The following SLC39A6 variants were observed in gnomAD, a reference collection of about 807,000 sequenced individuals.
The protein encoded by SLC39A6 is solute carrier family 39 member 6, also known as zinc transporter ZIP6.
SLC39A6 carries 51 observed loss-of-function variants against 63.5 expected under a neutral mutation model. The ratio of observed to expected loss-of-function variants is 0.80; its 90% CI spans 0.64 to 1.01. SLC39A6 has a LOEUF of 1.01. SLC39A6 is among the 50% of genes least tolerant of loss of function. SLC39A6 has a pLI of 0.00. For synonymous variants in SLC39A6, 318 were observed against 324.7 expected, an observed-to-expected ratio of 0.98 and a Z score of 0.22; for missense variants, 805 against 927.8, an observed-to-expected ratio of 0.87 and a Z score of 1.72.
rs149141172 is a variant in SLC39A6 at position 36,124,546 on chromosome 18, G to A, written c.944C>T (p.Pro315Leu). ...TATTTGTAATGAATAGGTCTTTGGAGGGATTTCAGCCTTCTTTTCACTTGT... is the reference window on the plus strand; with the variant it reads ...TATTTGTAATGAATAGGTCTTTGGAAGGATTTCAGCCTTCTTTTCACTTGT... ...IHTSEKKAEIPPKTYSLQIAW... is the reference protein window; with the variant it reads ...IHTSEKKAEILPKTYSLQIAW... Residue 315 changes from proline (P) to leucine (L), a missense_variant, in exon 3 of 10, where the codon CCT (proline) becomes CTT (leucine). Around this residue, in one of 4 missense-constraint regions of SLC39A6, gnomAD observed 639 missense variants for 644.0 expected, o/e 0.99. Coordinates refer to ENST00000269187, the MANE Select transcript of SLC39A6 (RefSeq NM_012319.4). The A allele has an allele frequency of 4.5e-6, 7 of 1,566,036 alleles. No individual in the cohort carries two copies. In the African/African-American group the frequency reaches 8.1e-5, roughly 18 times the overall value.
chr18:36,114,771 T>C (rs2089330085), intron 6 of SLC39A6, among the ~76,000 whole-genome samples: 1 of 152,228 alleles, frequency 6.6e-6, no homozygotes, highest in Admixed American at 6.5e-5. Context: ...AAAATGACTT[T>C]TTTCCTCATC....
At chr18:36,119,935 G>T (rs1210085143) in intron 5 of SLC39A6, among the ~76,000 whole-genome samples, 4 of 151,858 alleles carry the variant, frequency 2.6e-5, no homozygotes, top group African/African-American at 4.8e-5. Context: ...GCTGTATTTA[G>T]GTAAAATTTG....
chr18:36,110,832 G>T (rs377415492), intron 9 of SLC39A6, among the ~76,000 whole-genome samples: 15 of 151,830 alleles, frequency 9.9e-5, no homozygotes, highest in African/African-American at 3.4e-4. Context: ...ATGAGCCACC[G>T]TGCCCAGCCA....
rs1789528 is a variant in SLC39A6 at position 36,126,651 on chromosome 18, C to G, written c.357G>C (p.Glu119Asp). 1,601,798 of 1,613,256 alleles carry G rather than the reference C, an allele frequency of 0.99. 795,783 individuals are homozygous for G. Among genetic ancestry groups the G allele is most frequent in the East Asian group, 1 (44,877 of 44,882 alleles). The change falls in exon 2 of 10, where the codon GAG becomes GAC. Residue 119 changes from glutamate to aspartate, a missense_variant. Physicochemically the swap from Glu to Asp is conservative, Grantham distance 45 (BLOSUM62 2). Transcript: ENST00000269187. The part of the protein sequence containing the change: ...ERHSDHEHHS[E>D]HEHHSDHDHH... Reference sequence around the variant, plus strand: ...GATCATGGTCAGAGTGATGCTCGTGCTCTGAGTGATGCTCATGGTCTGAGT... The same window carrying G: ...GATCATGGTCAGAGTGATGCTCGTGGTCTGAGTGATGCTCATGGTCTGAGT...
chr18:36,124,709 A>G lies in SLC39A6; in HGVS notation c.790-9T>C. ...TTTGATGCATTGAAACACTGAAAGA[A>G]ACAAAGCAGTGAAAATCACCAAAAG... is the stretch of plus-strand genomic sequence containing the variant. On this transcript the variant is annotated splice_polypyrimidine_tract_variant and intron_variant, in intron 2 of 9. Transcript: ENST00000269187. 1 of 1,525,612 alleles carries G rather than the reference A, an allele frequency of 6.6e-7. No homozygotes were observed. The highest frequency in any genetic ancestry group is 9.0e-7 in the Non-Finnish European group (1 of 1,116,482). 94.5% of individuals were successfully genotyped at this position (1,525,612 alleles called of 1,614,324 possible). A position where few individuals can be genotyped will look rare whatever the true frequency, so the allele number is the denominator to read the frequency against.
At chr18:36,121,994 A>G (rs2089397905) in intron 5 of SLC39A6, 58 bp downstream of exon 5, 2 of 1,245,540 alleles carry the variant, frequency 1.6e-6, no homozygotes, top group Non-Finnish European at 2.3e-6. Context: ...ATCTAGTTAG[A>G]GTACTACTAT....
intron 5 of SLC39A6, among the ~76,000 whole-genome samples, chr18:36,119,161 A>G (rs1001765879): frequency 5.3e-5 from 8 of 152,234 alleles, no homozygotes; most frequent in African/African-American, 1.7e-4. Flanking sequence ...CCATACTCAC[A>G]ATATAATGAG....
intron 3 of SLC39A6, among the ~76,000 whole-genome samples, chr18:36,124,272 G>C (rs541587963): frequency 1.3e-5 from 2 of 151,954 alleles, no homozygotes; most frequent in Non-Finnish European, 2.9e-5. Flanking sequence ...CCAAATTTCA[G>C]GTGATCCTGA....
rs141054227 is a variant in SLC39A6, at chr18:36,108,782, T to C, written c.*811A>G. 7.9e-5 allele frequency: 12 copies of C among 152,354 alleles called. No homozygotes were observed. Among genetic ancestry groups the C allele is most frequent in the Admixed American group, 2.6e-4 (4 of 15,306 alleles). 9.4% of individuals were successfully genotyped at this position (152,354 alleles called of 1,614,324 possible). A position where few individuals can be genotyped will look rare whatever the true frequency, so the allele number is the denominator to read the frequency against. ...ACCAGGTAACCAGAACATCCAGTCA[T>C]ACAGCTTTTGGTGATATATAACTTG... On this transcript the variant is annotated 3_prime_UTR_variant, in exon 10 of 10. Coordinates refer to ENST00000269187, the MANE Select transcript of SLC39A6 (RefSeq NM_012319.4).
chr18:36,123,934 A>G (rs912501339), intron 3 of SLC39A6, among the ~76,000 whole-genome samples: 1 of 151,436 alleles, frequency 6.6e-6, no homozygotes, highest in Admixed American at 6.6e-5. Context: ...GTGAAAGAGG[A>G]AAAAAAAATG....
At position 36,129,178 on chromosome 18, in the gene SLC39A6, C is replaced by G. The variant is rs1041656852; in HGVS notation, c.-74G>C. The G allele has an allele frequency of 6.5e-6, 1 of 153,602 alleles. No homozygotes were observed. The highest frequency in any genetic ancestry group is 1.5e-5 in the Non-Finnish European group (1 of 68,942). 9.5% of individuals were successfully genotyped at this position (153,602 alleles called of 1,614,324 possible). ...GCAGGTTTGGTTCCACACGGGCGGT[C>G]CAGAGGGCTCGGAACGGGCCCACTG... is the stretch of plus-strand genomic sequence containing the variant. On this transcript the variant is annotated 5_prime_UTR_variant, in exon 1 of 10. Coordinates refer to ENST00000269187, the MANE Select transcript of SLC39A6 (RefSeq NM_012319.4).
At chr18:36,112,455 G>A in intron 8 of SLC39A6, 46 bp downstream of exon 8, 1 of 1,401,318 alleles carries the variant, frequency 7.1e-7, no homozygotes, top group Non-Finnish European at 1.0e-6. Flanking sequence ...AGTGACACTA[G>A]AACATTTCAC....
chr18:36,124,645 A>C lies in SLC39A6; in HGVS notation c.845T>G (p.Leu282Arg), dbSNP rs1188477730. 6.3e-7 allele frequency: 1 copy of C among 1,585,176 alleles called. No individual in the cohort carries two copies. The highest frequency in any genetic ancestry group is 1.3e-5 in the African/African-American group (1 of 74,550). Residue 282 changes from leucine (L) to arginine (R), a missense_variant, in exon 3 of 10, where the codon CTG (leucine) becomes CGG (arginine). By Grantham distance (102) the Leu-to-Arg change is moderately radical. This residue lies in a region of SLC39A6 where 639 missense variants were observed against 644.0 expected (regional missense o/e 0.99). Transcript: ENST00000269187. ...GAGATAGTTGAACTCTGTTGCATTCAGCGGAACCTGGATGCCCATGCCATG... is the reference window on the plus strand; with the variant it reads ...GAGATAGTTGAACTCTGTTGCATTCCGCGGAACCTGGATGCCCATGCCATG... The part of the protein sequence containing the change: ...TSHGMGIQVP[L>R]NATEFNYLCP...
At chr18:36,121,824 C>A (rs924157143) in intron 5 of SLC39A6, among the ~76,000 whole-genome samples, 1 of 152,130 alleles carries the variant, frequency 6.6e-6, no homozygotes, top group African/African-American at 2.4e-5. Flanking sequence ...CTTTTCTTAT[C>A]CTGTCATGAG....
intron 5 of SLC39A6, among the ~76,000 whole-genome samples, chr18:36,120,457 C>A (rs527577078): frequency 6.6e-6 from 1 of 152,110 alleles, no homozygotes; most frequent in Admixed American, 6.5e-5. Flanking sequence ...TTTCAGTGAA[C>A]GTAAAATCCC....
Position 36,126,497 on chromosome 18 carries a change from GT to G in SLC39A6, c.510del (p.Glu170AspfsTer18). On this transcript the variant is annotated frameshift_variant, in exon 2 of 10. Coordinates refer to ENST00000269187, the MANE Select transcript of SLC39A6 (RefSeq NM_012319.4). LOFTEE classifies it high-confidence loss of function. ...TTGACATTCCTTCTACCACTGGCAT[GT>G]TCTGGTCGGTGAGCTCCTTTCCCCT... ...NSQGKGAHRP[E>X]HASGRRNVKD... The G allele has an allele frequency of 1.9e-6, 3 of 1,614,252 alleles. No homozygotes were observed. The highest frequency in any genetic ancestry group is 2.5e-6 in the Non-Finnish European group (3 of 1,180,044).
chr18:36,127,778 GT>G (rs34708394), intron 1 of SLC39A6, among the ~76,000 whole-genome samples: 8,404 of 130,136 alleles, frequency 0.065, 356 homozygotes, highest in African/African-American at 0.14. Flanking sequence ...TTTTTTTAAA[GT>G]TTTTTTTTTT....
chr18:36,126,084 T>C, intron 2 of SLC39A6, 135 bp downstream of exon 2: 1 of 881,832 alleles, frequency 1.1e-6, no homozygotes, highest in Non-Finnish European at 1.8e-6. Context: ...AGTGCCTTGC[T>C]GAGAAGGTGG....
chr18:36,126,836 G>A lies in SLC39A6; in HGVS notation c.172C>T (p.Gln58Ter). The A allele has an allele frequency of 6.2e-7, 1 of 1,614,216 alleles. No individual in the cohort carries two copies. Among genetic ancestry groups the A allele is most frequent in the Non-Finnish European group, 8.5e-7 (1 of 1,180,048 alleles). The change falls in exon 2 of 10, where the codon CAA becomes TAA. Residue 58 changes from glutamine to a stop codon, truncating the protein, a stop_gained. Coordinates refer to ENST00000269187, the MANE Select transcript of SLC39A6 (RefSeq NM_012319.4). LOFTEE classifies it high-confidence loss of function. ...TCTCCATAGCGGTAGAAAAGCTGTT[G>A]TAGATGATATTGCCGTGTGGAAATT... ...LAISTRQYHL[Q>*]QLFYRYGENN...
Sources: gnomAD v4.1 joint callset for allele counts (sites outside exome capture counted in the v4.1 genomes callset) on GRCh38, gnomAD v4.1.1 for gene constraint, gnomAD v4.1.1 regional missense constraint, MANE v1.5 for transcripts, NCBI Gene and HGNC (gene_info 2026-07-23, HGNC 2026-07-21) for gene names.